ARHGEF9: variants seen among roughly 807,000 people sequenced by gnomAD.
ARHGEF9 encodes Cdc42 guanine nucleotide exchange factor 9, also known as rho guanine nucleotide exchange factor 9.
Under a neutral mutation model 41.3 loss-of-function variants are expected in ARHGEF9, and 2 were observed. The ratio of observed to expected loss-of-function variants is 0.05; its 90% confidence interval spans 0.02 to 0.15. The LOEUF is 0.15. Ranked by LOEUF, ARHGEF9 falls within the 10% of genes least tolerant of loss-of-function variation. The pLI, the probability that ARHGEF9 is intolerant of heterozygous loss-of-function variation, is 1.00. For synonymous variants in ARHGEF9, 160 were observed against 154.4 expected (o/e 1.04, Z -0.27); for missense variants, 225 against 424.7 (o/e 0.53, Z 4.13).
At chrX:63,706,080 T>C (rs1313544127) in intron 3 of ARHGEF9, among the ~76,000 whole-genome samples, 178 bp downstream of exon 3, 2 of 110,807 alleles carry the variant, frequency 1.8e-5, no homozygotes, top group African/African-American at 6.6e-5. Context: ...AAAACAGAGA[T>C]TGAGAAACCC....
intron 5 of ARHGEF9, among the ~76,000 whole-genome samples, chrX:63,677,768 C>G (rs1556364050): frequency 8.9e-6 from 1 of 111,812 alleles, no homozygotes; most frequent in Non-Finnish European, 1.9e-5. Context: ...GGCGAATGTC[C>G]TATCTTTTTG....
intron 2 of ARHGEF9, among the ~76,000 whole-genome samples, chrX:63,710,538 T>C (rs1556406164): frequency 9.0e-6 from 1 of 110,805 alleles, no homozygotes; most frequent in Non-Finnish European, 1.9e-5. Context: ...TCAGTCCATG[T>C]AAATTACACC....
chrX:63,714,998 C>A (rs1479929817), intron 2 of ARHGEF9, among the ~76,000 whole-genome samples: 6 of 111,851 alleles, frequency 5.4e-5, no homozygotes, highest in African/African-American at 2.0e-4. Context: ...CTGCCCATGA[C>A]AAGGCTTCTT....
At chrX:63,715,756 C>T (rs2053248788) in intron 2 of ARHGEF9, among the ~76,000 whole-genome samples, 1 of 112,028 alleles carries the variant, frequency 8.9e-6, no homozygotes, top group South Asian at 3.7e-4. Context: ...AATCCCTTCC[C>T]TAACTATCCT....
intron 8 of ARHGEF9, among the ~76,000 whole-genome samples, chrX:63,646,323 A>G (rs1412106927): frequency 8.9e-6 from 1 of 111,817 alleles, no homozygotes; most frequent in Non-Finnish European, 1.9e-5. Flanking sequence ...GTCCCGAATG[A>G]TACTGCCTAG....
chrX:63,695,002 C>A (rs535122018), intron 4 of ARHGEF9, among the ~76,000 whole-genome samples: 2 of 112,450 alleles, frequency 1.8e-5, no homozygotes, highest in African/African-American at 3.2e-5. Flanking sequence ...ATACAATGTT[C>A]ATTTCACATA....
At chrX:63,734,572 T>C (rs1556421718) in intron 1 of ARHGEF9, among the ~76,000 whole-genome samples, 1 of 111,857 alleles carries the variant, frequency 8.9e-6, no homozygotes, top group Non-Finnish European at 1.9e-5. Flanking sequence ...TGCAGGAATT[T>C]CCTCTTACTG....
chrX:63,777,861 C>T (rs782153756), intron 1 of ARHGEF9, among the ~76,000 whole-genome samples: 1 of 112,950 alleles, frequency 8.9e-6, no homozygotes, highest in East Asian at 2.8e-4. Flanking sequence ...GGCAACTCTG[C>T]CCCTCTGGCT....
rs782560572 is a variant in ARHGEF9, at chrX:63,755,593, G to A, written c.30+29523C>T. Among the ~76,000 whole-genome samples, 7 of 111,484 alleles carry A rather than the reference G, an allele frequency of 6.3e-5. No homozygotes were observed. The South Asian group carries it at 1.1e-3, about 18-fold the overall frequency. On this transcript the variant is annotated intron_variant, in intron 1 of 9. Transcript: ENST00000671741. ...AAAAAGGATGGTGAGGAGAAAGAAG[G>A]AATGGGGGAAAAACGGATAGGTAGC...
At chrX:63,656,224 G>T (rs781979784) in intron 7 of ARHGEF9, among the ~76,000 whole-genome samples, 7 of 110,756 alleles carry the variant, frequency 6.3e-5, no homozygotes, top group Admixed American at 4.8e-4. Flanking sequence ...ACCTAGGGGG[G>T]GTCTAACACT....
intron 8 of ARHGEF9, among the ~76,000 whole-genome samples, chrX:63,651,672 G>A (rs1167036166): frequency 9.1e-6 from 1 of 110,374 alleles, no homozygotes; most frequent in African/African-American, 3.3e-5. Flanking sequence ...GATGAAACTA[G>A]GGGCCAAAAA....
chrX:63,648,903 C>A (rs1222481817), intron 8 of ARHGEF9, among the ~76,000 whole-genome samples: 7 of 111,519 alleles, frequency 6.3e-5, no homozygotes, highest in South Asian at 3.8e-4. Context: ...AGAGCTAACT[C>A]TCCTAAATAT....
At chrX:63,670,407 G>A (rs1179720150) in intron 6 of ARHGEF9, 1 of 110,656 alleles carries the variant, frequency 9.0e-6, no homozygotes, top group Non-Finnish European at 1.9e-5. Flanking sequence ...ATAGCAAAGT[G>A]GAACAGGTCC....
At chrX:63,686,734 A>G (rs2051007964) in intron 4 of ARHGEF9, among the ~76,000 whole-genome samples, 1 of 111,136 alleles carries the variant, frequency 9.0e-6, no homozygotes, top group Admixed American at 9.6e-5. Flanking sequence ...ACAGAAAACC[A>G]AAAAGAACTA....
intron 1 of ARHGEF9, among the ~76,000 whole-genome samples, chrX:63,779,745 C>T (rs2056351984): frequency 8.9e-6 from 1 of 111,776 alleles, no homozygotes; most frequent in African/African-American, 3.3e-5. Flanking sequence ...CAGGCTTTGG[C>T]CCACAGTCCA....
At chrX:63,743,330 C>A (rs2055077153) in intron 1 of ARHGEF9, 1 of 112,758 alleles carries the variant, frequency 8.9e-6, no homozygotes. Flanking sequence ...ATACTATGTT[C>A]TTCCTAGCTC....
intron 1 of ARHGEF9, among the ~76,000 whole-genome samples, chrX:63,768,358 T>C (rs782602207): frequency 3.6e-5 from 4 of 112,315 alleles, no homozygotes; most frequent in East Asian, 2.8e-4. Flanking sequence ...TTATATACCA[T>C]ATTTTCTTCA....
At chrX:63,709,860 T>C (rs1194406634) in intron 2 of ARHGEF9, among the ~76,000 whole-genome samples, 1 of 111,411 alleles carries the variant, frequency 9.0e-6, no homozygotes, top group Non-Finnish European at 1.9e-5. Context: ...TCAGCAACAG[T>C]AATCCATCCT....
At chrX:63,771,303 A>G (rs782449456) in intron 1 of ARHGEF9, among the ~76,000 whole-genome samples, 1 of 112,351 alleles carries the variant, frequency 8.9e-6, no homozygotes, top group South Asian at 3.7e-4. Flanking sequence ...TTAAATGAAT[A>G]TTATTCACTT....
Sources: allele counts gnomAD v4.1 joint callset (sites outside exome capture counted in the v4.1 genomes callset), GRCh38; gene constraint gnomAD v4.1.1; transcripts MANE v1.5; gene names NCBI Gene and HGNC (gene_info 2026-07-23, HGNC 2026-07-21).